The following PPP1R9A variants were observed in gnomAD, a reference collection of about 807,000 sequenced individuals.
PPP1R9A encodes the protein protein phosphatase 1 regulatory subunit 9A.
Under a neutral mutation model 141.9 loss-of-function variants are expected in PPP1R9A, and 59 were observed. The observed-to-expected ratio is 0.42, with a 90% confidence interval of 0.34 to 0.52. The LOEUF (loss-of-function observed/expected upper bound fraction) is 0.52. Among genes scored for constraint, PPP1R9A ranks in the 20% least tolerant of loss-of-function variants. The pLI is 0.10. For synonymous variants in PPP1R9A, 500 were observed against 569.7 expected (o/e 0.88, Z 1.74); for missense variants, 1,444 against 1,611.9 (o/e 0.90, Z 1.78).
intron 2 of PPP1R9A, among the ~76,000 whole-genome samples, chr7:94,925,168 A>G (rs1793317093): frequency 6.6e-6 from 1 of 152,132 alleles, no homozygotes; most frequent in Non-Finnish European, 1.5e-5. Context: ...AAGAGCTGAC[A>G]TTGCAGTTCA....
rs115907299 is a variant in PPP1R9A, at chr7:94,963,840, T to C, written c.1395+52332T>C. ...GAAAAACCACAATAAGTGATGCACA[T>C]AGGTCTTGGCCTCATGTGGGGGCAT... is the stretch of plus-strand genomic sequence containing the variant. On this transcript the variant is annotated intron_variant, in intron 2 of 19. Coordinates refer to ENST00000433360, the MANE Select transcript of PPP1R9A (RefSeq NM_001166160.2). Among the ~76,000 whole-genome samples, 1,095 of 151,786 alleles carry C rather than the reference T, an allele frequency of 7.2e-3. 10 individuals are homozygous for C. The highest frequency in any genetic ancestry group is 0.025 in the African/African-American group (1,048 of 41,506).
intron 5 of PPP1R9A, among the ~76,000 whole-genome samples, chr7:95,181,309 T>TATATATAGAATATATATATAGA (rs899678021): frequency 3.6e-5 from 5 of 140,654 alleles, no homozygotes; most frequent in Non-Finnish European, 7.6e-5. Context: ...ATAGAGAGAA[T>TATATATAGAATATATATATAGA]ATATATAGAA....
chr7:95,246,238 T>C (rs190046947), intron 8 of PPP1R9A, among the ~76,000 whole-genome samples: 27 of 152,194 alleles, frequency 1.8e-4, no homozygotes, highest in Admixed American at 8.5e-4. Context: ...AGGGCTGAGG[T>C]TTATGAGGTG....
At chr7:95,233,287 C>T (rs1796227746) in intron 8 of PPP1R9A, among the ~76,000 whole-genome samples, 1 of 151,868 alleles carries the variant, frequency 6.6e-6, no homozygotes, top group Admixed American at 6.6e-5. Flanking sequence ...CCAAACACCA[C>T]ATGTTCTCAC....
intron 2 of PPP1R9A, among the ~76,000 whole-genome samples, chr7:95,086,146 A>G (rs1384788521): frequency 6.6e-6 from 1 of 152,088 alleles, no homozygotes; most frequent in East Asian, 1.9e-4. Flanking sequence ...GAATTCCTAT[A>G]TACTCCACAC....
intron 2 of PPP1R9A, among the ~76,000 whole-genome samples, chr7:95,048,387 A>G (rs1184057978): frequency 6.6e-6 from 1 of 152,196 alleles, no homozygotes; most frequent in East Asian, 1.9e-4. Flanking sequence ...AGGAAATACT[A>G]TATGATGAGT....
At position 95,291,024 on chromosome 7, in the gene PPP1R9A, T is replaced by TTA. The variant is rs1387192609; in HGVS notation, c.*723_*724dup. On this transcript the variant is annotated 3_prime_UTR_variant, in exon 20 of 20. Coordinates refer to ENST00000433360, the MANE Select transcript of PPP1R9A (RefSeq NM_001166160.2). ...TACCTTGGGGTTCTGAGGGTAATAT[T>TTA]TATCCTCTAGATACGGCTGAACAAG... The TTA allele has an allele frequency of 1.3e-5, 2 of 152,164 alleles. No individual in the cohort carries two copies. The highest frequency in any genetic ancestry group is 2.9e-5 in the Non-Finnish European group (2 of 68,076). 9.4% of individuals were successfully genotyped at this position (152,164 alleles called of 1,614,324 possible). A position where few individuals can be genotyped will look rare whatever the true frequency, so the allele number is the denominator to read the frequency against.
intron 2 of PPP1R9A, among the ~76,000 whole-genome samples, chr7:94,948,011 A>G (rs1307992312): frequency 6.6e-6 from 1 of 152,064 alleles, no homozygotes; most frequent in Non-Finnish European, 1.5e-5. Flanking sequence ...TAATGGACCC[A>G]TCCACCTGAT....
chr7:95,072,846 T>TATAATAATTATATATA (rs10692761), intron 2 of PPP1R9A, among the ~76,000 whole-genome samples: 2 of 101,152 alleles, frequency 2.0e-5, no homozygotes, highest in African/African-American at 8.2e-5. Context: ...AATTATTATA[T>TATAATAATTATATATA]ATAATATAAG....
In PPP1R9A at chr7:95,241,799, T is replaced by A. The variant is rs866380078; in HGVS notation, c.2113-5674T>A. ...CATGGGATAATAACATTAAGTTATC[T>A]TTATGGAAGTTTCCACTACCATGTA... On this transcript the variant is annotated intron_variant, in intron 8 of 19. Transcript: ENST00000433360. Among the ~76,000 whole-genome samples the A allele has an allele frequency of 2.0e-5, 3 of 152,304 alleles. No homozygotes were observed. The South Asian group carries it at 6.2e-4, about 32-fold the overall frequency.
At chr7:95,231,343 A>G (rs924069628) in intron 8 of PPP1R9A, among the ~76,000 whole-genome samples, 1 of 152,330 alleles carries the variant, frequency 6.6e-6, no homozygotes, top group Admixed American at 6.5e-5. Flanking sequence ...TGGGTCATCA[A>G]GACAGAAAGT....
intron 16 of PPP1R9A, among the ~76,000 whole-genome samples, chr7:95,274,600 T>C (rs930546195): frequency 6.6e-6 from 1 of 152,224 alleles, no homozygotes; most frequent in Admixed American, 6.5e-5. Context: ...TCCACATGTA[T>C]GTAGGAGTGA....
At position 95,128,852 on chromosome 7, in the gene PPP1R9A, AC is replaced by A. The variant is rs559294747; in HGVS notation, c.1649+8021del. On this transcript the variant is annotated intron_variant, in intron 4 of 19. Transcript: ENST00000433360. ...CTCGGCCTCCCAAAGTGCTGGGCTT[AC>A]AGGCATGAGCCATCATGCCCGGCCT... 2.6e-4 allele frequency among the ~76,000 whole-genome samples: 40 copies of A among 152,348 alleles called. No individual in the cohort carries two copies. In the South Asian group the frequency reaches 8.3e-3, roughly 32 times the overall value.
At chr7:95,081,609 A>G (rs1815844710) in intron 2 of PPP1R9A, among the ~76,000 whole-genome samples, 1 of 152,148 alleles carries the variant, frequency 6.6e-6, no homozygotes, top group Admixed American at 6.5e-5. Context: ...ATGACTGGGG[A>G]GGAACTCCCT....
intron 5 of PPP1R9A, among the ~76,000 whole-genome samples, chr7:95,165,737 G>A (rs922722525): frequency 6.6e-6 from 1 of 152,152 alleles, no homozygotes; most frequent in South Asian, 2.1e-4. Flanking sequence ...GAGGCTGGAA[G>A]GACTATGAGG....
intron 2 of PPP1R9A, among the ~76,000 whole-genome samples, chr7:94,951,240 T>G (rs541626304): frequency 6.6e-6 from 1 of 152,118 alleles, no homozygotes; most frequent in Non-Finnish European, 1.5e-5. Context: ...TTTTCTTCTT[T>G]GTCTTACTTG....
chr7:95,190,385 G>T (rs1835318873), intron 5 of PPP1R9A, among the ~76,000 whole-genome samples: 1 of 152,162 alleles, frequency 6.6e-6, no homozygotes, highest in South Asian at 2.1e-4. Flanking sequence ...CCTTCTTCAG[G>T]TCTCCCAGCC....
chr7:95,152,873 C>T (rs1258187359), intron 4 of PPP1R9A, among the ~76,000 whole-genome samples: 2 of 136,934 alleles, frequency 1.5e-5, no homozygotes, highest in East Asian at 4.4e-4. Flanking sequence ...GAGGCAGAGA[C>T]AGTCTCACTC....
chr7:95,283,017 G>T (rs1333083009), intron 16 of PPP1R9A, among the ~76,000 whole-genome samples: 2 of 152,100 alleles, frequency 1.3e-5, no homozygotes, highest in African/African-American at 4.8e-5. Context: ...TGGTGTCCAG[G>T]CACTTTTAAT....
Sources: gnomAD v4.1 joint callset for allele counts (sites outside exome capture counted in the v4.1 genomes callset) on GRCh38, gnomAD v4.1.1 for gene constraint, MANE v1.5 for transcripts, NCBI Gene and HGNC (gene_info 2026-07-23, HGNC 2026-07-21) for gene names.